SPICE1: variants seen among roughly 807,000 people sequenced by gnomAD.
The protein encoded by SPICE1 is spindle and centriole-associated protein 1.
In SPICE1, 75 loss-of-function variants were observed where a neutral mutation model predicts 102.7. The observed-to-expected ratio is 0.73, with a 90% CI of 0.61 to 0.88. SPICE1 has a LOEUF of 0.88. Among genes scored for constraint, SPICE1 ranks in the 40% least tolerant of loss-of-function variants. The pLI is 0.00. For missense variants in SPICE1, 979 were observed against 1,020.1 expected, an observed-to-expected ratio of 0.96 and a Z score of 0.55; for synonymous variants, 308 against 350.3, an observed-to-expected ratio of 0.88 and a Z score of 1.35.
intron 10 of SPICE1, among the ~76,000 whole-genome samples, chr3:113,466,538 A>G (rs571679416): frequency 6.6e-6 from 1 of 151,860 alleles, no homozygotes; most frequent in East Asian, 1.9e-4. Flanking sequence ...TGAACCCAGG[A>G]GGCAGAGGTT....
rs976722785 is a variant in SPICE1 at position 113,444,778 on chromosome 3, T to C, written c.*529A>G. ...ATATAAACAAACACTCCCAGGCCTA[T>C]TGTTTTTAAGGCTGTATATTTCACT... On this transcript the variant is annotated 3_prime_UTR_variant, in exon 18 of 18. Coordinates refer to ENST00000295872, the MANE Select transcript of SPICE1 (RefSeq NM_144718.4). 4.6e-5 allele frequency: 7 copies of C among 152,284 alleles called. No individual in the cohort carries two copies. The highest frequency in any genetic ancestry group is 1.7e-4 in the African/African-American group (7 of 41,456). 9.4% of individuals were successfully genotyped at this position (152,284 alleles called of 1,614,324 possible).
chr3:113,454,765 T>G (rs1000074581), intron 13 of SPICE1, among the ~76,000 whole-genome samples: 2 of 151,694 alleles, frequency 1.3e-5, no homozygotes, highest in African/African-American at 4.8e-5. Context: ...GCAAGTGACT[T>G]TATCAGAGTC....
chr3:113,495,616 A>G (rs557326133), intron 4 of SPICE1, among the ~76,000 whole-genome samples: 66 of 152,218 alleles, frequency 4.3e-4, no homozygotes, highest in Non-Finnish European at 5.9e-4. Context: ...CTGAAAACCT[A>G]TATACCACTC....
intron 2 of SPICE1, among the ~76,000 whole-genome samples, chr3:113,503,672 C>A (rs1029383778): frequency 6.6e-6 from 1 of 152,036 alleles, no homozygotes; most frequent in Non-Finnish European, 1.5e-5. Context: ...GTGGCTCATG[C>A]CTGTAATCCC....
At chr3:113,474,015 C>A (rs939636432) in intron 7 of SPICE1, among the ~76,000 whole-genome samples, 10 of 152,044 alleles carry the variant, frequency 6.6e-5, no homozygotes, top group Admixed American at 6.6e-4. Flanking sequence ...AGTCAAGACC[C>A]ATCAGTGTGC....
intron 7 of SPICE1, among the ~76,000 whole-genome samples, chr3:113,479,183 T>A (rs1454701943): frequency 1.4e-5 from 2 of 144,432 alleles, no homozygotes; most frequent in Admixed American, 7.3e-5. Flanking sequence ...TGGCCATGTG[T>A]TCTCATTGTT....
intron 6 of SPICE1, among the ~76,000 whole-genome samples, chr3:113,491,649 A>AAAAAAAAAAAAAAAAAAT (rs1936771756): frequency 6.7e-6 from 1 of 150,156 alleles, no homozygotes; most frequent in Non-Finnish European, 1.5e-5. Flanking sequence ...AAAAAAAAAA[A>AAAAAAAAAAAAAAAAAAT]GATTATCTAT....
chr3:113,488,689 T>C (rs1209990068), intron 7 of SPICE1, among the ~76,000 whole-genome samples: 3 of 152,184 alleles, frequency 2.0e-5, no homozygotes, highest in African/African-American at 7.2e-5. Context: ...TGTGCATGCA[T>C]GCATGTGTGT....
intron 16 of SPICE1, among the ~76,000 whole-genome samples, chr3:113,447,187 T>C (rs1935537699): frequency 6.6e-6 from 1 of 152,204 alleles, no homozygotes; most frequent in Non-Finnish European, 1.5e-5. Flanking sequence ...CTCAGTTATG[T>C]TTTTATCAGC....
intron 7 of SPICE1, among the ~76,000 whole-genome samples, chr3:113,482,520 T>G (rs1936535432): frequency 6.6e-6 from 1 of 152,258 alleles, no homozygotes; most frequent in African/African-American, 2.4e-5. Flanking sequence ...TAGGTTTTCT[T>G]CTAGGATTTT....
At chr3:113,475,060 A>C (rs1936306806) in intron 7 of SPICE1, among the ~76,000 whole-genome samples, 1 of 152,138 alleles carries the variant, frequency 6.6e-6, no homozygotes, top group South Asian at 2.1e-4. Flanking sequence ...AAAGAAAAGA[A>C]AGAAGAATCA....
At chr3:113,462,728 A>G (rs749064230) in intron 11 of SPICE1, among the ~76,000 whole-genome samples, 2 of 152,168 alleles carry the variant, frequency 1.3e-5, no homozygotes, top group Non-Finnish European at 2.9e-5. Context: ...TTGGCCTAGT[A>G]GAACTGTTTT....
intron 14 of SPICE1, among the ~76,000 whole-genome samples, chr3:113,452,761 C>T (rs979710990): frequency 2.0e-5 from 3 of 151,984 alleles, no homozygotes; most frequent in African/African-American, 4.8e-5. Context: ...GGGCAGATCA[C>T]GAGGTCAGGA....
At chr3:113,479,347 T>C (rs1260470109) in intron 7 of SPICE1, among the ~76,000 whole-genome samples, 2 of 151,742 alleles carry the variant, frequency 1.3e-5, no homozygotes, top group Non-Finnish European at 2.9e-5. Context: ...GGTGTATATG[T>C]GCCACATTTT....
chr3:113,509,993 A>G (rs758038461), intron 1 of SPICE1, among the ~76,000 whole-genome samples: 8 of 152,216 alleles, frequency 5.3e-5, no homozygotes, highest in South Asian at 4.1e-4. Flanking sequence ...CTGTGAGTCA[A>G]TTAAACCTCT....
Position 113,511,117 on chromosome 3 carries a change from C to T in SPICE1, c.-1+3780G>A, listed in dbSNP as rs142028030. ...TTAAAAAGTCAAGAAACAACACATG[C>T]TGGCAAGACTGTGGAGAAATAGGAA... On this transcript the variant is annotated intron_variant, in intron 1 of 17. Transcript: ENST00000295872. Among the ~76,000 whole-genome samples the T allele has an allele frequency of 3.4e-3, 525 of 152,284 alleles. 7 individuals are homozygous for T. The highest frequency in any genetic ancestry group is 0.012 in the African/African-American group (497 of 41,542).
chr3:113,457,435 T>A, intron 12 of SPICE1, 78 bp from the exon 13 acceptor site: 1 of 1,441,320 alleles, frequency 6.9e-7, no homozygotes, highest in East Asian at 2.3e-5. Context: ...TATTCTTAAA[T>A]GCATCTCAGT....
chr3:113,442,931 T>A lies in SPICE1; in HGVS notation c.*2376A>T, dbSNP rs1269691339. On this transcript the variant is annotated 3_prime_UTR_variant, in exon 18 of 18. Transcript: ENST00000295872. ...TTTTTAAATAGCATGTTATTTATAT[T>A]TTCAAATCATATGCCCAGCATGTTT... 1 of 152,214 alleles carries A rather than the reference T, an allele frequency of 6.6e-6. No individual in the cohort carries two copies. Among genetic ancestry groups the A allele is most frequent in the East Asian group, 1.9e-4 (1 of 5,202 alleles). 9.4% of individuals were successfully genotyped at this position (152,214 alleles called of 1,614,324 possible). A position where few individuals can be genotyped will look rare whatever the true frequency, so the allele number is the denominator to read the frequency against.
chr3:113,471,535 T>G (rs1576631089), intron 7 of SPICE1, among the ~76,000 whole-genome samples: 1 of 152,192 alleles, frequency 6.6e-6, no homozygotes, highest in East Asian at 1.9e-4. Context: ...AAACTGATTT[T>G]GGATTTCTGG....
Sources: gnomAD v4.1 joint callset for allele counts (sites outside exome capture counted in the v4.1 genomes callset) on GRCh38, gnomAD v4.1.1 for gene constraint, MANE v1.5 for transcripts, NCBI Gene and HGNC (gene_info 2026-07-23, HGNC 2026-07-21) for gene names.